The following SETBP1 variants were observed in gnomAD, a reference collection of about 807,000 sequenced individuals.
SETBP1 encodes SET binding protein 1.
A neutral mutation model predicts 101.0 loss-of-function variants in SETBP1; 9 were observed. The ratio of observed to expected loss-of-function variants is 0.09; its 90% CI spans 0.05 to 0.16. The LOEUF (loss-of-function observed/expected upper bound fraction) is 0.16, where lower values mean the gene tolerates loss of function less well. SETBP1 is among the 10% of genes least tolerant of loss of function. SETBP1 has a pLI of 1.00. For synonymous variants in SETBP1, 818 were observed against 788.5 expected, an observed-to-expected ratio of 1.04 and a Z score of -0.63; for missense variants, 1,858 against 2,033.8, an observed-to-expected ratio of 0.91 and a Z score of 1.66.
chr18:45,045,124 A>T (rs904147911), intron 5 of SETBP1, among the ~76,000 whole-genome samples: 2 of 152,184 alleles, frequency 1.3e-5, no homozygotes, highest in East Asian at 1.9e-4. Flanking sequence ...TTTACTAAAA[A>T]AAAAAATAAA....
chr18:44,969,503 C>T (rs2071794645), intron 4 of SETBP1, among the ~76,000 whole-genome samples: 1 of 152,138 alleles, frequency 6.6e-6, no homozygotes, highest in Admixed American at 6.5e-5. Flanking sequence ...TAAATCTCAG[C>T]ATTTAGAGAT....
intron 4 of SETBP1, among the ~76,000 whole-genome samples, chr18:45,012,339 T>G (rs2072856172): frequency 6.6e-6 from 1 of 152,012 alleles, no homozygotes; most frequent in South Asian, 2.1e-4. Context: ...GGGAGGCAGA[T>G]TTCGGATTGG....
intron 1 of SETBP1, among the ~76,000 whole-genome samples, chr18:44,695,557 G>A (rs886726254): frequency 2.6e-5 from 4 of 152,198 alleles, no homozygotes; most frequent in African/African-American, 9.7e-5. Flanking sequence ...GAATTATCTG[G>A]TCAGCCCAGT....
intron 5 of SETBP1, among the ~76,000 whole-genome samples, chr18:45,046,571 C>G (rs1350548964): frequency 6.6e-6 from 1 of 152,230 alleles, no homozygotes; most frequent in African/African-American, 2.4e-5. Context: ...AAGGAATATG[C>G]ACGCATATGT....
chr18:45,063,783 C>A lies in SETBP1; in HGVS notation c.*85C>A. 1.4e-6 allele frequency: 2 copies of A among 1,443,462 alleles called. No homozygotes were observed. Among genetic ancestry groups the A allele is most frequent in the Non-Finnish European group, 1.9e-6 (2 of 1,060,958 alleles). The allele number at this position is 1,443,462 out of a possible 1,614,324, so 89.4% of individuals were successfully genotyped here. On this transcript the variant is annotated 3_prime_UTR_variant, in exon 6 of 6. Transcript: ENST00000649279. Reference sequence around the variant, plus strand: ...GCCGGGGCGGGGGCGGAATCCCCCGCTGCAGGGACACCCACGCCCTTCTCT... The same window carrying A: ...GCCGGGGCGGGGGCGGAATCCCCCGATGCAGGGACACCCACGCCCTTCTCT...
At chr18:44,900,160 C>G (rs1183802720) in intron 3 of SETBP1, among the ~76,000 whole-genome samples, 1 of 152,152 alleles carries the variant, frequency 6.6e-6, no homozygotes, top group Admixed American at 6.6e-5. Flanking sequence ...AAAGTGTGAT[C>G]TTAGGACAAC....
chr18:44,810,282 C>T (rs976941586), intron 2 of SETBP1, among the ~76,000 whole-genome samples: 6 of 152,158 alleles, frequency 3.9e-5, no homozygotes, highest in African/African-American at 1.4e-4. Context: ...TGGCGCAGGC[C>T]CTCCTTCCTG....
At chr18:44,768,682 C>T (rs1360839776) in intron 2 of SETBP1, among the ~76,000 whole-genome samples, 1 of 152,100 alleles carries the variant, frequency 6.6e-6, no homozygotes, top group Non-Finnish European at 1.5e-5. Context: ...CATTGCTTAA[C>T]CATATCAGAC....
intron 4 of SETBP1, among the ~76,000 whole-genome samples, chr18:45,012,319 G>A (rs1328370190): frequency 1.3e-5 from 2 of 152,102 alleles, no homozygotes; most frequent in Admixed American, 6.5e-5. Context: ...GGATGGAATC[G>A]GGGAGGCTGG....
At chr18:44,891,785 A>G (rs1433875813) in intron 3 of SETBP1, among the ~76,000 whole-genome samples, 2 of 152,060 alleles carry the variant, frequency 1.3e-5, no homozygotes, top group African/African-American at 4.8e-5. Flanking sequence ...ATGCCAAACC[A>G]TTTTAGTTTC....
At chr18:44,963,374 A>G (rs1384644375) in intron 4 of SETBP1, among the ~76,000 whole-genome samples, 3 of 152,172 alleles carry the variant, frequency 2.0e-5, no homozygotes, top group African/African-American at 7.2e-5. Context: ...TCTAATGTCA[A>G]TTCTGTGCGC....
At chr18:44,713,205 C>T (rs1403694074) in intron 2 of SETBP1, among the ~76,000 whole-genome samples, 1 of 152,062 alleles carries the variant, frequency 6.6e-6, no homozygotes, top group Non-Finnish European at 1.5e-5. Flanking sequence ...GATCCTCCCA[C>T]CTCGGCCTCC....
At chr18:45,063,051 C>A in intron 5 of SETBP1, 28 bp from the exon 6 acceptor site, 1 of 1,613,146 alleles carries the variant, frequency 6.2e-7, no homozygotes, top group South Asian at 1.1e-5. Context: ...ATCCTGTGCT[C>A]AATTTCTTAT....
chr18:44,827,467 A>G (rs895985534), intron 2 of SETBP1, among the ~76,000 whole-genome samples: 3 of 152,206 alleles, frequency 2.0e-5, no homozygotes, highest in African/African-American at 7.2e-5. Context: ...TTGAGCTGAC[A>G]TGTCAGACAG....
intron 2 of SETBP1, among the ~76,000 whole-genome samples, chr18:44,854,609 A>C (rs904957296): frequency 1.3e-4 from 20 of 152,152 alleles, no homozygotes; most frequent in African/African-American, 4.8e-4. Flanking sequence ...AACGTCAACA[A>C]AAATCATTCT....
chr18:45,038,505 A>G lies in SETBP1; in HGVS notation c.4021A>G (p.Lys1341Glu), dbSNP rs572843415. 1.2e-5 allele frequency: 20 copies of G among 1,614,014 alleles called. No individual in the cohort carries two copies. Among genetic ancestry groups the G allele is most frequent in the Non-Finnish European group, 1.7e-5 (20 of 1,180,012 alleles). ...TTTAGGGATGCCAAGTCCCCACTTA[A>G]AAGTGGACCAGACAGCAGTGCATAG... ...MSPGMPSPHLKVDQTAVHSKN... is the reference protein window; with the variant it reads ...MSPGMPSPHLEVDQTAVHSKN... The change falls in exon 5 of 6, where the codon AAA (lysine) becomes GAA (glutamate). Residue 1341 changes from lysine (K) to glutamate (E), a missense_variant. Lys to Glu is a moderately conservative substitution (Grantham distance 56, BLOSUM62 1). Around this residue, in one of 12 missense-constraint regions of SETBP1, gnomAD observed 417 missense variants for 389.1 expected, o/e 1.07. Transcript: ENST00000649279.
intron 2 of SETBP1, among the ~76,000 whole-genome samples, chr18:44,817,707 A>G (rs182836393): frequency 2.0e-5 from 3 of 152,110 alleles, no homozygotes; most frequent in Admixed American, 1.3e-4. Context: ...AGAAAAAAAA[A>G]AAGGCTTCAC....
intron 2 of SETBP1, among the ~76,000 whole-genome samples, chr18:44,816,106 AG>A (rs2071969564): frequency 6.6e-6 from 1 of 152,164 alleles, no homozygotes; most frequent in African/African-American, 2.4e-5. Flanking sequence ...TGGGAGACAG[AG>A]GGGGAGGTGA....
chr18:44,736,802 A>C (rs1359190991), intron 2 of SETBP1, among the ~76,000 whole-genome samples: 1 of 152,220 alleles, frequency 6.6e-6, no homozygotes, highest in East Asian at 1.9e-4. Context: ...TACAGTTTGC[A>C]TGACTTTGCA....
Sources: allele counts gnomAD v4.1 joint callset (sites outside exome capture counted in the v4.1 genomes callset), GRCh38; gene constraint gnomAD v4.1.1; regional missense constraint gnomAD v4.1.1; transcripts MANE v1.5; gene names NCBI Gene and HGNC (gene_info 2026-07-23, HGNC 2026-07-21).